The following NEMP2 variants were observed in gnomAD, a reference collection of about 807,000 sequenced individuals.
NEMP2 encodes the protein UPF0571 transmembrane protein.
In NEMP2, 53 loss-of-function variants were observed where a neutral mutation model predicts 54.2. That is an observed-to-expected ratio of 0.98 (90% CI 0.78 to 1.23). NEMP2 has a LOEUF of 1.23. Among genes scored for constraint, NEMP2 ranks in the 50% most tolerant of loss-of-function variants. The probability of loss-of-function intolerance (pLI) is 0.00; values close to 1 mark genes in which losing one functional copy is unlikely to be tolerated. For missense variants in NEMP2, 455 were observed against 511.3 expected, an observed-to-expected ratio of 0.89 and a Z score of 1.06; for synonymous variants, 197 against 190.3, an observed-to-expected ratio of 1.04 and a Z score of -0.29.
chr2:190,462,236 T>G, the NEMP2 span, among the ~76,000 whole-genome samples: 4 of 152,148 alleles, frequency 2.6e-5, no homozygotes, highest in Non-Finnish European at 5.9e-5. The surrounding 1 kb of genome is among the most constrained non-coding windows in gnomAD (Gnocchi z 5.7). Flanking sequence ...AACCATTGTT[T>G]TAAGAGATTT....
At chr2:190,453,787 T>C in the NEMP2 span, among the ~76,000 whole-genome samples, 1 of 152,224 alleles carries the variant, frequency 6.6e-6, no homozygotes, top group African/African-American at 2.4e-5. Flanking sequence ...TTGCCCCAAA[T>C]AGCCTAATGA....
rs1160295966 is a variant in NEMP2 at position 190,510,306 on chromosome 2, AT to A, written c.1130+54del. On this transcript the variant is annotated intron_variant, in intron 8 of 8. Coordinates refer to ENST00000409150, the MANE Select transcript of NEMP2 (RefSeq NM_001142645.2). This position sits in a 1 kb window ranked among gnomAD's most constrained non-coding sequence, Gnocchi z 5.7. ...AGTGCCTGTACCAAACCATCATATT[AT>A]TTTTTAAATCATTCTGAACTAAACT... 1.3e-5 allele frequency: 20 copies of A among 1,537,406 alleles called. No individual in the cohort carries two copies. The highest frequency in any genetic ancestry group is 1.7e-5 in the Non-Finnish European group (19 of 1,135,992).
chr2:190,613,771 G>A, the NEMP2 span, among the ~76,000 whole-genome samples: 5 of 151,992 alleles, frequency 3.3e-5, no homozygotes, highest in African/African-American at 1.2e-4. Context: ...AAATATTTTA[G>A]TAGAGACAGG....
chr2:190,595,816 T>G, the NEMP2 span, among the ~76,000 whole-genome samples: 1 of 152,168 alleles, frequency 6.6e-6, no homozygotes, highest in Non-Finnish European at 1.5e-5. This position sits in a 1 kb window ranked among gnomAD's most constrained non-coding sequence, Gnocchi z 4.0. Flanking sequence ...GTAAATTAGT[T>G]CAACCACTGT....
chr2:190,532,232 A>C (rs1314889838), intron 1 of NEMP2, among the ~76,000 whole-genome samples: 3 of 152,238 alleles, frequency 2.0e-5, no homozygotes, highest in African/African-American at 7.2e-5. Flanking sequence ...GTGAGGCACC[A>C]AAGTGATAAA....
At chr2:190,613,771 G>T in the NEMP2 span, among the ~76,000 whole-genome samples, 1 of 151,992 alleles carries the variant, frequency 6.6e-6, no homozygotes, top group Admixed American at 6.6e-5. Context: ...AAATATTTTA[G>T]TAGAGACAGG....
At chr2:190,469,956 GCCTA>G in the NEMP2 span, 3 of 776,336 alleles carry the variant, frequency 3.9e-6, no homozygotes, top group African/African-American at 5.2e-5. The surrounding 1 kb of genome is among the most constrained non-coding windows in gnomAD (Gnocchi z 5.3). Flanking sequence ...GGAAGGGCAG[GCCTA>G]CTGTTTCATG....
At chr2:190,556,498 G>T in the NEMP2 span, among the ~76,000 whole-genome samples, 1 of 152,172 alleles carries the variant, frequency 6.6e-6, no homozygotes, top group Non-Finnish European at 1.5e-5. Context: ...GCAAGAGAAA[G>T]AAATAAAGCA....
chr2:190,648,364 C>T, the NEMP2 span: 2 of 152,272 alleles, frequency 1.3e-5, no homozygotes, highest in East Asian at 3.9e-4. Context: ...CCGGTTCTTC[C>T]AGCGCCGCGC....
the NEMP2 span, among the ~76,000 whole-genome samples, chr2:190,441,662 C>T: frequency 6.6e-6 from 1 of 151,936 alleles, no homozygotes; most frequent in Non-Finnish European, 1.5e-5. Context: ...TCTCTACAGT[C>T]CTCTCTCTCT....
the NEMP2 span, among the ~76,000 whole-genome samples, chr2:190,433,990 A>G: frequency 7.1e-3 from 1,080 of 152,222 alleles, 2 homozygotes; most frequent in Non-Finnish European, 0.013. This position sits in a 1 kb window ranked among gnomAD's most constrained non-coding sequence, Gnocchi z 4.5. Flanking sequence ...CAGGAGTTGG[A>G]GAACGGCCTG....
At chr2:190,550,362 G>A in the NEMP2 span, among the ~76,000 whole-genome samples, 3 of 152,164 alleles carry the variant, frequency 2.0e-5, no homozygotes, top group African/African-American at 7.2e-5. The surrounding 1 kb of genome is among the most constrained non-coding windows in gnomAD (Gnocchi z 4.7). Context: ...TTTTATAAGG[G>A]CACTAATTCC....
the NEMP2 span, among the ~76,000 whole-genome samples, chr2:190,564,822 G>A: frequency 6.6e-6 from 1 of 152,206 alleles, no homozygotes; most frequent in South Asian, 2.1e-4. The surrounding 1 kb of genome is among the most constrained non-coding windows in gnomAD (Gnocchi z 4.2). Context: ...TCTCTCAATA[G>A]AGAACAGGAG....
the NEMP2 span, chr2:190,488,865 G>C: frequency 6.8e-7 from 1 of 1,473,234 alleles, no homozygotes; most frequent in East Asian, 2.5e-5. The surrounding 1 kb of genome is among the most constrained non-coding windows in gnomAD (Gnocchi z 6.4). Flanking sequence ...ATTAAAACAT[G>C]ATTTTTTCCA....
chr2:190,582,696 G>A, the NEMP2 span, among the ~76,000 whole-genome samples: 12 of 152,184 alleles, frequency 7.9e-5, no homozygotes, highest in Admixed American at 5.2e-4. The surrounding 1 kb of genome is among the most constrained non-coding windows in gnomAD (Gnocchi z 4.6). Context: ...GACTCTGTAC[G>A]AGCAAGAGCA....
chr2:190,467,211 G>A, the NEMP2 span, among the ~76,000 whole-genome samples: 2 of 152,220 alleles, frequency 1.3e-5, no homozygotes, highest in Non-Finnish European at 2.9e-5. This position sits in a 1 kb window ranked among gnomAD's most constrained non-coding sequence, Gnocchi z 5.5. Context: ...AGAACAACCT[G>A]GGGAACTTTC....
chr2:190,437,545 T>C, the NEMP2 span: 2 of 1,613,472 alleles, frequency 1.2e-6, no homozygotes, highest in Non-Finnish European at 1.7e-6. This position sits in a 1 kb window ranked among gnomAD's most constrained non-coding sequence, Gnocchi z 5.9. Context: ...GCTTATTGAA[T>C]TGATCGGCCA....
the NEMP2 span, among the ~76,000 whole-genome samples, chr2:190,430,768 C>T: frequency 6.6e-6 from 1 of 151,906 alleles, no homozygotes; most frequent in East Asian, 1.9e-4. Flanking sequence ...CTCCTCACTT[C>T]CCAGAAGGGG....
At chr2:190,636,005 AC>A in the NEMP2 span, among the ~76,000 whole-genome samples, 1 of 152,330 alleles carries the variant, frequency 6.6e-6, no homozygotes, top group South Asian at 2.1e-4. Context: ...AGGTGGAACC[AC>A]AGGCGTGTGC....
Sources: allele counts gnomAD v4.1 joint callset (sites outside exome capture counted in the v4.1 genomes callset), GRCh38; gene constraint gnomAD v4.1.1; non-coding constraint Gnocchi (gnomAD v3.1); transcripts MANE v1.5; gene names NCBI Gene and HGNC (gene_info 2026-07-23, HGNC 2026-07-21).